HSDL2: variants seen among roughly 807,000 people sequenced by gnomAD.
The protein encoded by HSDL2 is hydroxysteroid dehydrogenase like 2.
A neutral mutation model predicts 46.3 loss-of-function variants in HSDL2; 27 were observed. The observed-to-expected ratio is 0.58, with a 90% CI of 0.43 to 0.80. The LOEUF (loss-of-function observed/expected upper bound fraction) is 0.80. HSDL2 is among the 30% of genes least tolerant of loss of function. The pLI is 0.00. For missense variants in HSDL2, 451 were observed against 502.7 expected (o/e 0.90, Z 0.98); for synonymous variants, 153 against 163.6 (o/e 0.94, Z 0.50).
intron 10 of HSDL2, among the ~76,000 whole-genome samples, chr9:112,469,230 TTAATA>T (rs1275383190): frequency 1.3e-5 from 2 of 151,816 alleles, no homozygotes; most frequent in Non-Finnish European, 2.9e-5. Flanking sequence ...ATTTAATAGC[TTAATA>T]TAATATATAT....
At chr9:112,445,739 G>A (rs530809101) in intron 8 of HSDL2, among the ~76,000 whole-genome samples, 1 of 152,150 alleles carries the variant, frequency 6.6e-6, no homozygotes, top group East Asian at 1.9e-4. Context: ...AGCCAGTCTG[G>A]TCTCAAACTT....
chr9:112,455,903 C>T (rs899919928), intron 9 of HSDL2, among the ~76,000 whole-genome samples: 1 of 152,168 alleles, frequency 6.6e-6, no homozygotes, highest in Non-Finnish European at 1.5e-5. Context: ...TGGAGCTCAG[C>T]TCTCCATCAG....
chr9:112,455,992 G>A (rs1428612939), intron 9 of HSDL2, among the ~76,000 whole-genome samples: 1 of 152,208 alleles, frequency 6.6e-6, no homozygotes, highest in African/African-American at 2.4e-5. Flanking sequence ...CAGGTCTGGA[G>A]TGGAGTCTGA....
rs932622092 is a variant in HSDL2, at chr9:112,471,532, T to G, written c.*988T>G. 3.3e-5 allele frequency: 5 copies of G among 152,270 alleles called. No individual in the cohort carries two copies. Among genetic ancestry groups the G allele is most frequent in the Non-Finnish European group, 5.9e-5 (4 of 68,078 alleles). 9.4% of individuals were successfully genotyped at this position (152,270 alleles called of 1,614,324 possible). On this transcript the variant is annotated 3_prime_UTR_variant, in exon 11 of 11. Transcript: ENST00000398805. The stretch of plus-strand genomic sequence containing the variant: ...AATCACCAGCACCTTGATCTTTGAC[T>G]TCTAATCTCCAGAATAGTGAGAAAT...
intron 6 of HSDL2, among the ~76,000 whole-genome samples, chr9:112,421,372 A>G (rs906230298): frequency 6.6e-6 from 1 of 152,142 alleles, no homozygotes. Flanking sequence ...AAACTTGATT[A>G]TACTCACATT....
intron 1 of HSDL2, among the ~76,000 whole-genome samples, chr9:112,382,597 G>C (rs1321914106): frequency 6.6e-6 from 1 of 152,200 alleles, no homozygotes; most frequent in African/African-American, 2.4e-5. Context: ...CGTGAGTAGA[G>C]TACAGGGATG....
intron 1 of HSDL2, among the ~76,000 whole-genome samples, chr9:112,382,912 G>C (rs1160886439): frequency 6.6e-6 from 1 of 150,742 alleles, no homozygotes; most frequent in Admixed American, 6.6e-5. Flanking sequence ...GTCTCTTAAG[G>C]CTTTTGCATT....
At position 112,470,832 on chromosome 9, in the gene HSDL2, T is replaced by C. The variant is rs1833557694; in HGVS notation, c.*288T>C. 1 of 192,454 alleles carries C rather than the reference T, an allele frequency of 5.2e-6. No homozygotes were observed. The highest frequency in any genetic ancestry group is 2.3e-5 in the African/African-American group (1 of 43,002). 11.9% of individuals were successfully genotyped at this position (192,454 alleles called of 1,614,324 possible). A position where few individuals can be genotyped will look rare whatever the true frequency, so the allele number is the denominator to read the frequency against. On this transcript the variant is annotated 3_prime_UTR_variant, in exon 11 of 11. Coordinates refer to ENST00000398805, the MANE Select transcript of HSDL2 (RefSeq NM_032303.5). ...TCACTGTCTTTCTCCAAGAAAAGTA[T>C]TTTGGGCGGACAGTCAGATCAAGCA...
At chr9:112,380,395 G>A (rs1250118498) in intron 1 of HSDL2, among the ~76,000 whole-genome samples, 2 of 152,122 alleles carry the variant, frequency 1.3e-5, no homozygotes, top group African/African-American at 4.8e-5. Flanking sequence ...TTACAGGATG[G>A]CAGCAGTGTA....
chr9:112,420,313 C>T (rs905785005), intron 6 of HSDL2, among the ~76,000 whole-genome samples: 4 of 152,094 alleles, frequency 2.6e-5, no homozygotes, highest in Non-Finnish European at 4.4e-5. Flanking sequence ...GACCCTGTCT[C>T]AACAACAGCA....
chr9:112,425,717 G>T (rs1359749383), intron 6 of HSDL2, among the ~76,000 whole-genome samples: 3 of 152,094 alleles, frequency 2.0e-5, no homozygotes, highest in African/African-American at 7.2e-5. Context: ...GTAAAGAAAT[G>T]ATAGAACTGA....
chr9:112,440,373 CA>C (rs1832614797), intron 7 of HSDL2, among the ~76,000 whole-genome samples: 1 of 151,042 alleles, frequency 6.6e-6, no homozygotes. Context: ...AGTTTGAGAC[CA>C]GCCTGGGCAA....
chr9:112,436,907 T>C (rs1261291191), intron 6 of HSDL2, among the ~76,000 whole-genome samples: 1 of 151,860 alleles, frequency 6.6e-6, no homozygotes, highest in Non-Finnish European at 1.5e-5. Context: ...GATAGGGAAA[T>C]TATAATTAAT....
intron 9 of HSDL2, among the ~76,000 whole-genome samples, chr9:112,457,999 C>T (rs1186579854): frequency 6.6e-6 from 1 of 152,230 alleles, no homozygotes; most frequent in Non-Finnish European, 1.5e-5. Context: ...TTCCATGACA[C>T]ATCCTGTAGG....
intron 1 of HSDL2, among the ~76,000 whole-genome samples, chr9:112,396,384 T>G (rs970920336): frequency 6.6e-6 from 1 of 152,156 alleles, no homozygotes; most frequent in Non-Finnish European, 1.5e-5. Context: ...GCCCTCACAC[T>G]TTTTTCCTTG....
intron 1 of HSDL2, among the ~76,000 whole-genome samples, chr9:112,393,490 T>C (rs1831391667): frequency 6.6e-6 from 1 of 152,248 alleles, no homozygotes; most frequent in African/African-American, 2.4e-5. Flanking sequence ...TTTTGATCAA[T>C]GCCCTGTTGA....
At chr9:112,441,645 A>C (rs1446263929) in intron 7 of HSDL2, 54 bp from the exon 8 acceptor site, 13 of 1,190,630 alleles carry the variant, frequency 1.1e-5, no homozygotes, top group East Asian at 4.7e-5. Context: ...CAGATGTTAA[A>C]ATCTTACTAT....
intron 1 of HSDL2, among the ~76,000 whole-genome samples, chr9:112,401,288 G>T (rs900121026): frequency 1.3e-5 from 2 of 151,902 alleles, no homozygotes; most frequent in Non-Finnish European, 2.9e-5. Flanking sequence ...GTGAGACCTT[G>T]TTTCTACAAA....
intron 6 of HSDL2, among the ~76,000 whole-genome samples, chr9:112,433,149 T>C (rs1306931121): frequency 1.3e-5 from 2 of 152,128 alleles, no homozygotes; most frequent in South Asian, 2.1e-4. Flanking sequence ...AGGTAAACAA[T>C]TGAAATGAGA....
Sources: allele counts gnomAD v4.1 joint callset (sites outside exome capture counted in the v4.1 genomes callset), GRCh38; gene constraint gnomAD v4.1.1; transcripts MANE v1.5; gene names NCBI Gene and HGNC (gene_info 2026-07-23, HGNC 2026-07-21).